The following SDR9C7 variants were observed in gnomAD, a reference collection of about 807,000 sequenced individuals.
SDR9C7 encodes short-chain dehydrogenase/reductase family 9C member 7.
In SDR9C7, 11 loss-of-function variants were observed where a neutral mutation model predicts 23.6. That is an observed-to-expected ratio of 0.47 (90% confidence interval 0.29 to 0.77). The LOEUF (loss-of-function observed/expected upper bound fraction) is 0.77. Ranked by LOEUF, SDR9C7 falls within the 30% of genes least tolerant of loss-of-function variation. The pLI, the probability that SDR9C7 is intolerant of heterozygous loss-of-function variation, is 0.09. For synonymous variants in SDR9C7, 167 were observed against 157.3 expected (o/e 1.06, Z -0.46); for missense variants, 387 against 407.1 (o/e 0.95, Z 0.42).
intron 2 of SDR9C7, among the ~76,000 whole-genome samples, chr12:56,929,812 C>T (rs1332834191): frequency 6.6e-6 from 1 of 152,194 alleles, no homozygotes; most frequent in Non-Finnish European, 1.5e-5. Context: ...CAAAGCCTTG[C>T]CTCCCACCAG....
chr12:56,929,069 G>A (rs11172068), intron 3 of SDR9C7, among the ~76,000 whole-genome samples: 13,861 of 152,156 alleles, frequency 0.091, 700 homozygotes, highest in Middle Eastern at 0.15. Flanking sequence ...TTTGAACCCA[G>A]GCAGTCCGGC....
At chr12:56,930,085 G>A in intron 2 of SDR9C7, 141 bp downstream of exon 2, 1 of 1,015,846 alleles carries the variant, frequency 9.8e-7, no homozygotes, top group Non-Finnish European at 1.5e-6. Context: ...CTTGGAGAAA[G>A]CACCTTGAGG....
rs1565612386 is a variant in SDR9C7 at position 56,924,051 on chromosome 12, CTGTT to C, written c.725-5_725-2del. The C allele has an allele frequency of 2.5e-6, 4 of 1,604,046 alleles. No individual in the cohort carries two copies. The highest frequency in any genetic ancestry group is 1.1e-5 in the South Asian group (1 of 90,778). Reference sequence around the variant, plus strand: ...ATTATGTTTTTTAACTTGTCAGTATCTGTTTGAGGGCAGAGAGGGGAAAAAGGCT... The same window carrying C: ...ATTATGTTTTTTAACTTGTCAGTATCTGAGGGCAGAGAGGGGAAAAAGGCT... On this transcript the variant is annotated splice_acceptor_variant and splice_polypyrimidine_tract_variant and intron_variant, in intron 3 of 3. Transcript: ENST00000293502. LOFTEE classifies it high-confidence loss of function.
intron 1 of SDR9C7, 54 bp downstream of exon 1, chr12:56,933,907 G>C: frequency 6.5e-7 from 1 of 1,549,940 alleles, no homozygotes; most frequent in Non-Finnish European, 8.7e-7. Flanking sequence ...CTTCGGGAGA[G>C]AGGAAGAGGA....
chr12:56,933,706 C>G (rs1031459588), intron 1 of SDR9C7, among the ~76,000 whole-genome samples: 3 of 152,190 alleles, frequency 2.0e-5, no homozygotes, highest in African/African-American at 7.2e-5. Flanking sequence ...CATCTTCCCC[C>G]CTCGCTTCCT....
rs780039483 is a variant in SDR9C7 at position 56,934,311 on chromosome 12, AG to A, written c.-51del. ...AGAGGGACTGGGCTCAGGAGACAGC[AG>A]GGAAGAAGCTGGTCCTCTGAGCCCT... On this transcript the variant is annotated 5_prime_UTR_variant, in exon 1 of 4. Transcript: ENST00000293502. 12 of 1,529,044 alleles carry A rather than the reference AG, an allele frequency of 7.8e-6. No individual in the cohort carries two copies. Among genetic ancestry groups the A allele is most frequent in the Non-Finnish European group, 1.1e-5 (12 of 1,121,180 alleles). The allele number at this position is 1,529,044 out of a possible 1,614,324, so 94.7% of individuals were successfully genotyped here.
In SDR9C7 at chr12:56,930,488, G is replaced by A. The variant is rs759537429; in HGVS notation, c.302-4C>T. 9 of 1,613,440 alleles carry A rather than the reference G, an allele frequency of 5.6e-6. No homozygotes were observed. The highest frequency in any genetic ancestry group is 1.7e-5 in the Admixed American group (1 of 59,988). Reference sequence around the variant, plus strand: ...TTGTTCACCAGGGCCCAGAGGCCTGGGGGTGAGATGAACCACACAGAAATC... The same window carrying A: ...TTGTTCACCAGGGCCCAGAGGCCTGAGGGTGAGATGAACCACACAGAAATC... On this transcript the variant is annotated splice_region_variant and splice_polypyrimidine_tract_variant and intron_variant, in intron 1 of 3. Coordinates refer to ENST00000293502, the MANE Select transcript of SDR9C7 (RefSeq NM_148897.3).
intron 1 of SDR9C7, among the ~76,000 whole-genome samples, chr12:56,932,579 T>G (rs968619955): frequency 6.6e-6 from 1 of 152,230 alleles, no homozygotes; most frequent in Non-Finnish European, 1.5e-5. Context: ...GAAACTCACA[T>G]GCTAAGTGAG....
intron 3 of SDR9C7, among the ~76,000 whole-genome samples, chr12:56,927,821 G>C (rs982895548): frequency 3.3e-5 from 5 of 152,240 alleles, no homozygotes; most frequent in South Asian, 2.1e-4. Context: ...GGTGGAACCA[G>C]GTCCTAGCAA....
rs758421301 is a variant in SDR9C7 at position 56,930,281 on chromosome 12, C to A, written c.505G>T (p.Gly169Cys). The A allele has an allele frequency of 4.3e-6, 7 of 1,614,180 alleles. No homozygotes were observed. The highest frequency in any genetic ancestry group is 1.3e-5 in the African/African-American group (1 of 75,038). The change falls in exon 2 of 4, where the codon GGT (glycine) becomes TGT (cysteine). Residue 169 changes from glycine (G) to cysteine (C), a missense_variant. Coordinates refer to ENST00000293502, the MANE Select transcript of SDR9C7 (RefSeq NM_148897.3). ...SSSGGRVAVI[G>C]GGYCVSKFGV... ...AACTTGGAGACGCAGTAGCCACCAC[C>A]AATGACAGCCACACGACCACCAGAG...
In SDR9C7 at chr12:56,933,910, G is replaced by C. The variant is rs575638833; in HGVS notation, c.301+51C>G. On this transcript the variant is annotated intron_variant, in intron 1 of 3. Coordinates refer to ENST00000293502, the MANE Select transcript of SDR9C7 (RefSeq NM_148897.3). ...TACTGTCAGATGCTTCGGGAGAGAG[G>C]AAGAGGAAGAAGGAGAAACCAAGAA... is the stretch of plus-strand genomic sequence containing the variant. The C allele has an allele frequency of 1.9e-6, 3 of 1,554,074 alleles. No individual in the cohort carries two copies. The South Asian group carries it at 3.7e-5, about 19-fold the overall frequency.
chr12:56,927,653 C>T (rs1218404096), intron 3 of SDR9C7, among the ~76,000 whole-genome samples: 1 of 152,182 alleles, frequency 6.6e-6, no homozygotes, highest in Non-Finnish European at 1.5e-5. Context: ...TCGGAGTGTA[C>T]ATTAGGACTT....
At chr12:56,925,122 G>A (rs976316620) in intron 3 of SDR9C7, among the ~76,000 whole-genome samples, 1 of 151,998 alleles carries the variant, frequency 6.6e-6, no homozygotes, top group Non-Finnish European at 1.5e-5. Flanking sequence ...CAGTCATAAG[G>A]CCACTGTCAC....
chr12:56,928,382 T>C (rs1592422657), intron 3 of SDR9C7, among the ~76,000 whole-genome samples: 2 of 152,198 alleles, frequency 1.3e-5, no homozygotes, highest in South Asian at 2.1e-4. Context: ...CCCTTCACCA[T>C]AGTCTGAATT....
At position 56,930,245 on chromosome 12, in the gene SDR9C7, C is replaced by T. The variant is rs1490405392; in HGVS notation, c.541G>A (p.Ala181Thr). 1.9e-6 allele frequency: 3 copies of T among 1,614,154 alleles called. No homozygotes were observed. The highest frequency in any genetic ancestry group is 1.1e-5 in the South Asian group (1 of 91,076). ...AGTTACCTTATGCTGTCAGAGAAGG[C>T]CTCAACGCCAAACTTGGAGACGCAG... ...GYCVSKFGVE[A>T]FSDSIRRELY... Residue 181 changes from alanine (A) to threonine (T), a missense_variant, in exon 2 of 4, where the codon GCC (alanine) becomes ACC (threonine). Physicochemically the swap from Ala to Thr is moderately conservative, Grantham distance 58. Transcript: ENST00000293502.
chr12:56,930,540 T>C, intron 1 of SDR9C7, 56 bp from the exon 2 acceptor site: 1 of 1,589,344 alleles, frequency 6.3e-7, no homozygotes, highest in Non-Finnish European at 8.6e-7. Context: ...AAGAACCAAG[T>C]TCTGCTCCCC....
At position 56,923,666 on chromosome 12, in the gene SDR9C7, C is replaced by T. The variant is rs1273349360; in HGVS notation, c.*167G>A. ...CCCAGAGGGTGGGAAGAGGCATTCACCTTCTGTTAGAAGTTACTGGTAAAT... is the reference window on the plus strand; with the variant it reads ...CCCAGAGGGTGGGAAGAGGCATTCATCTTCTGTTAGAAGTTACTGGTAAAT... On this transcript the variant is annotated 3_prime_UTR_variant, in exon 4 of 4. Coordinates refer to ENST00000293502, the MANE Select transcript of SDR9C7 (RefSeq NM_148897.3). 6 of 574,688 alleles carry T rather than the reference C, an allele frequency of 1.0e-5. No individual in the cohort carries two copies. The highest frequency in any genetic ancestry group is 2.9e-5 in the East Asian group (1 of 34,138). The allele number at this position is 574,688 out of a possible 1,614,324, so 35.6% of individuals were successfully genotyped here.
At chr12:56,930,148 C>A in intron 2 of SDR9C7, 78 bp downstream of exon 2, 1 of 1,524,300 alleles carries the variant, frequency 6.6e-7, no homozygotes, top group Non-Finnish European at 9.0e-7. Context: ...AATTCCCCTG[C>A]CCACATGCTG....
intron 1 of SDR9C7, among the ~76,000 whole-genome samples, chr12:56,932,946 G>C (rs907869391): frequency 3.3e-5 from 5 of 152,200 alleles, no homozygotes; most frequent in Non-Finnish European, 5.9e-5. Flanking sequence ...ATGGGCTCCA[G>C]ACTAGTTCCT....
Sources: allele counts gnomAD v4.1 joint callset (sites outside exome capture counted in the v4.1 genomes callset), GRCh38; gene constraint gnomAD v4.1.1; transcripts MANE v1.5; gene names NCBI Gene and HGNC (gene_info 2026-07-23, HGNC 2026-07-21).